ZNF608: variants seen among roughly 807,000 people sequenced by gnomAD.
ZNF608 encodes the protein renal carcinoma antigen NY-REN-36.
In ZNF608, 12 loss-of-function variants were observed where a neutral mutation model predicts 109.0. The ratio of observed to expected loss-of-function variants is 0.11; its 90% confidence interval spans 0.07 to 0.18. The LOEUF (loss-of-function observed/expected upper bound fraction) is 0.18. ZNF608 is among the 10% of genes least tolerant of loss of function. The pLI, the probability that ZNF608 is intolerant of heterozygous loss-of-function variation, is 1.00. For synonymous variants in ZNF608, 732 were observed against 717.4 expected (o/e 1.02, Z -0.33); for missense variants, 1,707 against 1,879.3 (o/e 0.91, Z 1.70).
At chr5:124,685,717 C>T (rs573673487) in intron 3 of ZNF608, among the ~76,000 whole-genome samples, 1 of 152,198 alleles carries the variant, frequency 6.6e-6, no homozygotes, top group African/African-American at 2.4e-5. Context: ...CAGTACGCGG[C>T]CAGCCCACCT....
rs554677473 is a variant in ZNF608 at position 124,655,746 on chromosome 5, C to A, written c.1163-6049G>T. 7.9e-4 allele frequency among the ~76,000 whole-genome samples: 120 copies of A among 152,290 alleles called. 1 individual carries two copies. Among genetic ancestry groups the A allele is most frequent in the African/African-American group, 2.8e-3 (117 of 41,560 alleles). On this transcript the variant is annotated intron_variant, in intron 3 of 9. Transcript: ENST00000513986. The stretch of plus-strand genomic sequence containing the variant: ...CCATTTCTTTGTTCAGGACTCCCTC[C>A]CCCCATTATTATGTTGTCGTCACTC...
chr5:124,666,709 CTGTGTGTGTGTGTGTG>C (rs10546271), intron 3 of ZNF608, among the ~76,000 whole-genome samples: 1,460 of 141,046 alleles, frequency 0.01, 34 homozygotes, highest in African/African-American at 0.034. Flanking sequence ...TGGGTTTGCT[CTGTGTGTGTGTGTGTG>C]TGTGTGTGTG....
intron 3 of ZNF608, among the ~76,000 whole-genome samples, chr5:124,669,742 T>A (rs1215471440): frequency 6.6e-6 from 1 of 152,086 alleles, no homozygotes; most frequent in African/African-American, 2.4e-5. Context: ...CTCCTGTGTT[T>A]TCCCAAAACT....
At chr5:124,726,689 C>T (rs949263921) in intron 2 of ZNF608, among the ~76,000 whole-genome samples, 6 of 148,910 alleles carry the variant, frequency 4.0e-5, no homozygotes, top group Middle Eastern at 3.5e-3. Context: ...AAAAAAGTCA[C>T]TGCCTTGCTC....
chr5:124,710,020 G>A, intron 2 of ZNF608: 1 of 262,018 alleles, frequency 3.8e-6, no homozygotes, highest in Non-Finnish European at 7.7e-6. Flanking sequence ...GCTAAACATG[G>A]TTGCGCCTAC....
chr5:124,717,064 A>G (rs1753733634), intron 2 of ZNF608, among the ~76,000 whole-genome samples: 8 of 152,184 alleles, frequency 5.3e-5, no homozygotes, highest in Admixed American at 5.2e-4. Context: ...TCTGGGCGAC[A>G]ACAGCAAAAC....
At chr5:124,643,854 C>T (rs1344894574) in intron 6 of ZNF608, among the ~76,000 whole-genome samples, 171 bp from the exon 7 acceptor site, 1 of 152,166 alleles carries the variant, frequency 6.6e-6, no homozygotes, top group East Asian at 1.9e-4. Flanking sequence ...ATTTTCTTCT[C>T]CCAGTTAATT....
In ZNF608 at chr5:124,744,893, A is replaced by G. The variant is rs1400807272; in HGVS notation, c.97T>C (p.Leu33=). The change falls in exon 2 of 10, where the codon TTA becomes CTA. Residue 33 remains leucine, a synonymous_variant. Coordinates refer to ENST00000513986, the MANE Select transcript of ZNF608 (RefSeq NM_020747.3). This position sits in a 1 kb window ranked among gnomAD's most constrained non-coding sequence, Gnocchi z 4.5. ...GDDWEIGVGN[L]IIDLDADLEK... ...AAATCAGCGTCCAAATCAATTATTA[A>G]ATTTCCAACCCCGATTTCCCAATCA... 2 of 1,613,988 alleles carry G rather than the reference A, an allele frequency of 1.2e-6. No individual in the cohort carries two copies. Among genetic ancestry groups the G allele is most frequent in the African/African-American group, 1.3e-5 (1 of 74,868 alleles).
intron 3 of ZNF608, among the ~76,000 whole-genome samples, chr5:124,677,278 T>C (rs2149820285): frequency 6.6e-6 from 1 of 151,918 alleles, no homozygotes; most frequent in Non-Finnish European, 1.5e-5. Context: ...AGAAAAATAA[T>C]CCCCCCCTTT....
chr5:124,647,662 T>A lies in ZNF608; in HGVS notation c.2722A>T (p.Thr908Ser). The part of the protein sequence containing the change: ...IGSASRLECS[T>S]LVNGQAPMAP... ...ATTGGTGCCTGCCCGTTCACCAAAG[T>A]GCTGCATTCCAGCCTCGAGGCGCTC... The change falls in exon 5 of 10, where the codon ACT (threonine) becomes TCT (serine). Residue 908 changes from threonine (T) to serine (S), a missense_variant. Thr to Ser is a moderately conservative substitution (Grantham distance 58). Coordinates refer to ENST00000513986, the MANE Select transcript of ZNF608 (RefSeq NM_020747.3). 1 of 1,614,204 alleles carries A rather than the reference T, an allele frequency of 6.2e-7. No homozygotes were observed. Among genetic ancestry groups the A allele is most frequent in the Non-Finnish European group, 8.5e-7 (1 of 1,180,030 alleles).
chr5:124,731,453 C>A (rs113069936), intron 2 of ZNF608, among the ~76,000 whole-genome samples: 51 of 151,948 alleles, frequency 3.4e-4, no homozygotes, highest in African/African-American at 1.2e-3. Flanking sequence ...CCTCGTGATC[C>A]GCCCACCTCA....
chr5:124,690,495 T>A (rs79889958), intron 3 of ZNF608, among the ~76,000 whole-genome samples: 1,953 of 152,300 alleles, frequency 0.013, 51 homozygotes, highest in African/African-American at 0.044. Context: ...GAAATTTTTG[T>A]ACCTTCTTCT....
At chr5:124,706,838 CATG>C (rs1753278039) in intron 2 of ZNF608, among the ~76,000 whole-genome samples, 1 of 152,186 alleles carries the variant, frequency 6.6e-6, no homozygotes, top group African/African-American at 2.4e-5. Flanking sequence ...GTTATTTTTG[CATG>C]ATTATTCCCA....
chr5:124,689,539 T>C (rs1361915263), intron 3 of ZNF608, among the ~76,000 whole-genome samples: 3 of 150,766 alleles, frequency 2.0e-5, no homozygotes, highest in African/African-American at 7.3e-5. Flanking sequence ...AAAGACCTTT[T>C]CAAATTCAAT....
intron 3 of ZNF608, among the ~76,000 whole-genome samples, chr5:124,677,664 C>A (rs1486529092): frequency 1.3e-5 from 2 of 152,018 alleles, no homozygotes; most frequent in Non-Finnish European, 1.5e-5. Flanking sequence ...TGTTAACTGT[C>A]GGAAAATACA....
Position 124,656,799 on chromosome 5 carries a change from A to AACACACACACACAC in ZNF608, c.1163-7116_1163-7103dup, listed in dbSNP as rs35634231. Among the ~76,000 whole-genome samples, 16 of 123,978 alleles carry AACACACACACACAC rather than the reference A, an allele frequency of 1.3e-4. 1 individual carries two copies. The highest frequency in any genetic ancestry group is 3.1e-4 in the African/African-American group (10 of 31,896). 81.3% of individuals were successfully genotyped at this position (123,978 alleles called of 152,430 possible). ...CCCTAAATACACAGAATAAGCCCTAAACACACACACACACACACACACACA... is the reference window on the plus strand; with the variant it reads ...CCCTAAATACACAGAATAAGCCCTAAACACACACACACACACACACACACACACACACACACACA... On this transcript the variant is annotated intron_variant, in intron 3 of 9. Transcript: ENST00000513986.
intron 2 of ZNF608, among the ~76,000 whole-genome samples, chr5:124,701,758 G>T (rs555892448): frequency 2.0e-5 from 3 of 152,274 alleles, no homozygotes; most frequent in Non-Finnish European, 4.4e-5. Context: ...TATTAGCTTT[G>T]CTGAATATAT....
chr5:124,640,117 A>G (rs1750169693), intron 8 of ZNF608, among the ~76,000 whole-genome samples: 2 of 152,206 alleles, frequency 1.3e-5, no homozygotes, highest in Non-Finnish European at 2.9e-5. Flanking sequence ...CTGAATAAAT[A>G]AAAATGACCC....
At chr5:124,729,169 A>G (rs144918280) in intron 2 of ZNF608, among the ~76,000 whole-genome samples, 2 of 152,320 alleles carry the variant, frequency 1.3e-5, no homozygotes, top group East Asian at 3.9e-4. Context: ...AGAAGTGTGA[A>G]GAAGAAATGG....
Sources: gnomAD v4.1 joint callset for allele counts (sites outside exome capture counted in the v4.1 genomes callset) on GRCh38, gnomAD v4.1.1 for gene constraint, Gnocchi (gnomAD v3.1) non-coding constraint, MANE v1.5 for transcripts, NCBI Gene and HGNC (gene_info 2026-07-23, HGNC 2026-07-21) for gene names.